RAB6A: variants seen among roughly 807,000 people sequenced by gnomAD.
The protein encoded by RAB6A is ras-related protein Rab-6A.
In RAB6A, 8 loss-of-function variants were observed where a neutral mutation model predicts 32.3. That is an observed-to-expected ratio of 0.25 (90% CI 0.15 to 0.45). RAB6A has a LOEUF of 0.45. Among genes scored for constraint, RAB6A ranks in the 20% least tolerant of loss-of-function variants. The probability of loss-of-function intolerance (pLI) is 1.00; values close to 1 mark genes in which losing one functional copy is unlikely to be tolerated. For missense variants in RAB6A, 104 were observed against 249.4 expected (o/e 0.42, Z 3.93); for synonymous variants, 73 against 82.1 (o/e 0.89, Z 0.60).
At chr11:73,722,303 G>GTGTGTGTA (rs1946145230) in intron 2 of RAB6A, 31 of 13,904 alleles carry the variant, frequency 2.2e-3, no homozygotes, top group African/African-American at 6.2e-3. Context: ...ATATGTGTGT[G>GTGTGTGTA]TGTATATATA....
chr11:73,715,977 A>T (rs1485826976), intron 5 of RAB6A, among the ~76,000 whole-genome samples: 1 of 152,198 alleles, frequency 6.6e-6, no homozygotes, highest in African/African-American at 2.4e-5. Context: ...TATGAGATCT[A>T]AAAAAAGCAA....
chr11:73,756,939 G>C (rs1303487623), intron 1 of RAB6A, among the ~76,000 whole-genome samples: 3 of 151,762 alleles, frequency 2.0e-5, no homozygotes, highest in Non-Finnish European at 1.5e-5. Flanking sequence ...CTCCTAAAGT[G>C]CTGGGATTAC....
chr11:73,760,715 G>A lies in RAB6A; in HGVS notation c.-80C>T, dbSNP rs1247179766. ...CTGCTCCAGCCAGCTGACGAAAAAG[G>A]CGAGCGGAAGGGCGGGCACCGAGCT... On this transcript the variant is annotated 5_prime_UTR_variant, in exon 1 of 8. Transcript: ENST00000336083. 2 of 1,542,678 alleles carry A rather than the reference G, an allele frequency of 1.3e-6. No individual in the cohort carries two copies. The highest frequency in any genetic ancestry group is 1.8e-6 in the Non-Finnish European group (2 of 1,140,222).
chr11:73,690,007 G>A (rs1265569953), intron 6 of RAB6A, among the ~76,000 whole-genome samples: 10 of 152,044 alleles, frequency 6.6e-5, no homozygotes, highest in South Asian at 2.1e-4. Flanking sequence ...ACACTCTGGA[G>A]GAGGGGAAAA....
chr11:73,694,084 C>T (rs1200680158), intron 6 of RAB6A, among the ~76,000 whole-genome samples: 3 of 152,164 alleles, frequency 2.0e-5, no homozygotes, highest in Non-Finnish European at 2.9e-5. Flanking sequence ...GATGCTTGGG[C>T]CTCACCCTCA....
intron 2 of RAB6A, among the ~76,000 whole-genome samples, chr11:73,725,458 A>T (rs948856933): frequency 1.3e-5 from 2 of 152,200 alleles, no homozygotes; most frequent in Non-Finnish European, 2.9e-5. Context: ...GAGACTGGGT[A>T]ATTTATAAAG....
chr11:73,679,556 T>C lies in RAB6A; in HGVS notation c.562+98A>G, dbSNP rs549677847. The C allele has an allele frequency of 1.8e-5, 26 of 1,445,010 alleles. No homozygotes were observed. In the African/African-American group the frequency reaches 1.8e-4, roughly 10 times the overall value. 89.5% of individuals were successfully genotyped at this position (1,445,010 alleles called of 1,614,324 possible). On this transcript the variant is annotated intron_variant, in intron 7 of 7. Coordinates refer to ENST00000336083, the MANE Select transcript of RAB6A (RefSeq NM_198896.2). ...ATGCCTTTAAGTCATCAGTTCCTGG[T>C]TGTAAAAGGCAATGGCACAATATTC... is the stretch of plus-strand genomic sequence containing the variant.
At chr11:73,758,956 G>A (rs758993780) in intron 1 of RAB6A, among the ~76,000 whole-genome samples, 2 of 152,136 alleles carry the variant, frequency 1.3e-5, no homozygotes, top group Non-Finnish European at 2.9e-5. Flanking sequence ...AAAGGAGGGA[G>A]ATTGTATTTT....
At chr11:73,736,261 T>G (rs1466507667) in intron 1 of RAB6A, among the ~76,000 whole-genome samples, 3 of 151,100 alleles carry the variant, frequency 2.0e-5, no homozygotes, top group Non-Finnish European at 2.9e-5. Flanking sequence ...AAACCCCATC[T>G]CTACTAAAAA....
At chr11:73,721,439 T>G (rs1946131541) in intron 2 of RAB6A, among the ~76,000 whole-genome samples, 1 of 152,236 alleles carries the variant, frequency 6.6e-6, no homozygotes, top group Non-Finnish European at 1.5e-5. Flanking sequence ...AGTTTTCCTC[T>G]GTACCACACA....
At chr11:73,731,558 G>GA (rs1946301665) in intron 1 of RAB6A, among the ~76,000 whole-genome samples, 8 of 148,694 alleles carry the variant, frequency 5.4e-5, no homozygotes, top group Admixed American at 5.4e-4. Flanking sequence ...AAAAAAGTGA[G>GA]AAAAACTGAC....
At chr11:73,701,012 C>A (rs1160478185) in intron 6 of RAB6A, among the ~76,000 whole-genome samples, 2 of 152,094 alleles carry the variant, frequency 1.3e-5, no homozygotes, top group African/African-American at 4.8e-5. Flanking sequence ...AAAGCTCTCT[C>A]ACAATTATTT....
intron 1 of RAB6A, among the ~76,000 whole-genome samples, chr11:73,732,997 G>C (rs768090789): frequency 2.0e-5 from 3 of 152,094 alleles, no homozygotes; most frequent in Non-Finnish European, 4.4e-5. Context: ...ACTTTTAGTA[G>C]AGACAGGGTT....
At position 73,700,622 on chromosome 11, in the gene RAB6A, G is replaced by A. The variant is rs570159053; in HGVS notation, c.495+6798C>T. Among the ~76,000 whole-genome samples, 146 of 112,934 alleles carry A rather than the reference G, an allele frequency of 1.3e-3. 17 individuals are homozygous for A. The highest frequency in any genetic ancestry group is 4.8e-3 in the African/African-American group (146 of 30,458). The allele number at this position is 112,934 out of a possible 152,430, so 74.1% of individuals were successfully genotyped here. On this transcript the variant is annotated intron_variant, in intron 6 of 7. Coordinates refer to ENST00000336083, the MANE Select transcript of RAB6A (RefSeq NM_198896.2). Reference sequence around the variant, plus strand: ...AAAGTGTGTGTGTGGGGGGGGGGGGGGGAGGAGGGTAGTGGATGAGAAATC... The same window carrying A: ...AAAGTGTGTGTGTGGGGGGGGGGGGAGGAGGAGGGTAGTGGATGAGAAATC...
At chr11:73,698,555 G>A (rs1945690197) in intron 6 of RAB6A, among the ~76,000 whole-genome samples, 1 of 151,966 alleles carries the variant, frequency 6.6e-6, no homozygotes, top group Non-Finnish European at 1.5e-5. Context: ...TAATTTCTAC[G>A]CTTCAGATTT....
chr11:73,723,443 A>C (rs1946172255), intron 2 of RAB6A, among the ~76,000 whole-genome samples: 1 of 152,026 alleles, frequency 6.6e-6, no homozygotes, highest in Admixed American at 6.6e-5. Flanking sequence ...GTCCTGCCTC[A>C]GCTTCCCAAG....
chr11:73,694,877 A>C (rs916196965), intron 6 of RAB6A, among the ~76,000 whole-genome samples: 1 of 152,324 alleles, frequency 6.6e-6, no homozygotes, highest in Non-Finnish European at 1.5e-5. Flanking sequence ...TTAGCTGGGC[A>C]TGGTGGCACA....
At chr11:73,758,831 G>A (rs1525750) in intron 1 of RAB6A, among the ~76,000 whole-genome samples, 14,507 of 152,064 alleles carry the variant, frequency 0.095, 987 homozygotes, top group African/African-American at 0.2. Context: ...TTATGTTTGG[G>A]AACTATCCTG....
intron 6 of RAB6A, among the ~76,000 whole-genome samples, chr11:73,685,028 A>ATT (rs1565345093): frequency 6.6e-6 from 1 of 152,220 alleles, no homozygotes; most frequent in Non-Finnish European, 1.5e-5. Context: ...AGTGAAATTG[A>ATT]AAGGTATTAA....
Sources: gnomAD v4.1 joint callset for allele counts (sites outside exome capture counted in the v4.1 genomes callset) on GRCh38, gnomAD v4.1.1 for gene constraint, MANE v1.5 for transcripts, NCBI Gene and HGNC (gene_info 2026-07-23, HGNC 2026-07-21) for gene names.